The following ZNF804A variants were observed in gnomAD, a reference collection of about 807,000 sequenced individuals.
The protein encoded by ZNF804A is zinc finger protein 804A.
A neutral mutation model predicts 16.5 loss-of-function variants in ZNF804A; 2 were observed. The observed-to-expected ratio is 0.12, with a 90% confidence interval of 0.05 to 0.38. The LOEUF (loss-of-function observed/expected upper bound fraction) is 0.38, where lower values mean the gene tolerates loss of function less well. ZNF804A is among the 10% of genes least tolerant of loss of function. ZNF804A has a pLI of 0.99. For synonymous variants in ZNF804A, 534 were observed against 489.6 expected (o/e 1.09, Z -1.20); for missense variants, 1,473 against 1,390.7 (o/e 1.06, Z -0.94).
chr2:184,858,414 G>A (rs1695739122), intron 1 of ZNF804A, among the ~76,000 whole-genome samples: 1 of 150,566 alleles, frequency 6.6e-6, no homozygotes, highest in African/African-American at 2.4e-5. Context: ...TGAGGCAGGA[G>A]AATCACTTGA....
intron 1 of ZNF804A, among the ~76,000 whole-genome samples, chr2:184,773,502 GCAAC>G (rs1694247185): frequency 6.6e-6 from 1 of 151,960 alleles, no homozygotes; most frequent in Admixed American, 6.6e-5. Context: ...GGCATTCATA[GCAAC>G]CTGGTTGGAA....
intron 1 of ZNF804A, among the ~76,000 whole-genome samples, chr2:184,817,258 C>G (rs1398446565): frequency 1.3e-5 from 2 of 151,772 alleles, no homozygotes; most frequent in Non-Finnish European, 2.9e-5. Context: ...GGGATAAAAA[C>G]AAAGCCACTA....
chr2:184,777,749 T>G (rs1480167417), intron 1 of ZNF804A, among the ~76,000 whole-genome samples: 4 of 151,690 alleles, frequency 2.6e-5, no homozygotes, highest in Non-Finnish European at 5.9e-5. Context: ...TTGAATGATT[T>G]CATGAAATGT....
chr2:184,884,546 T>C (rs191279207), intron 2 of ZNF804A, among the ~76,000 whole-genome samples: 1 of 152,112 alleles, frequency 6.6e-6, no homozygotes, highest in African/African-American at 2.4e-5. Context: ...TTACCCCTTT[T>C]TAAACTACAC....
At chr2:184,605,277 A>C (rs2105667422) in intron 1 of ZNF804A, among the ~76,000 whole-genome samples, 1 of 152,248 alleles carries the variant, frequency 6.6e-6, no homozygotes, top group South Asian at 2.1e-4. Context: ...TTTATGAAGA[A>C]ATTACTTATA....
chr2:184,939,054 C>A lies in ZNF804A; in HGVS notation c.*28C>A, dbSNP rs373072311. Reference sequence around the variant, plus strand: ...ATCACCATAATGGGAAAAAAATACTCTTGTGAAAACTATTGCTATATGCGT... The same window carrying A: ...ATCACCATAATGGGAAAAAAATACTATTGTGAAAACTATTGCTATATGCGT... On this transcript the variant is annotated 3_prime_UTR_variant, in exon 4 of 4. Transcript: ENST00000302277. The A allele has an allele frequency of 6.9e-6, 11 of 1,601,816 alleles. No homozygotes were observed. Among genetic ancestry groups the A allele is most frequent in the Non-Finnish European group, 8.5e-7 (1 of 1,172,328 alleles).
At chr2:184,654,075 G>A (rs1692036070) in intron 1 of ZNF804A, among the ~76,000 whole-genome samples, 2 of 152,098 alleles carry the variant, frequency 1.3e-5, no homozygotes, top group Admixed American at 1.3e-4. Flanking sequence ...CTGGTGGGTC[G>A]GGGGAGCCCA....
At chr2:184,860,343 C>A (rs1695779793) in intron 1 of ZNF804A, among the ~76,000 whole-genome samples, 1 of 152,196 alleles carries the variant, frequency 6.6e-6, no homozygotes, top group Non-Finnish European at 1.5e-5. Flanking sequence ...CCATGGTTAC[C>A]TGTTTGATGT....
At chr2:184,745,243 T>G (rs1035582939) in intron 1 of ZNF804A, among the ~76,000 whole-genome samples, 4 of 151,774 alleles carry the variant, frequency 2.6e-5, no homozygotes, top group African/African-American at 9.7e-5. Flanking sequence ...ACCATTAAAT[T>G]TGAAACTGTA....
chr2:184,744,888 C>T (rs976865981), intron 1 of ZNF804A, among the ~76,000 whole-genome samples: 7 of 151,628 alleles, frequency 4.6e-5, no homozygotes, highest in Middle Eastern at 3.4e-3. Context: ...GTAGATTTTC[C>T]CTCTGTGACC....
At chr2:184,669,912 T>C (rs1423287859) in intron 1 of ZNF804A, among the ~76,000 whole-genome samples, 1 of 152,138 alleles carries the variant, frequency 6.6e-6, no homozygotes, top group East Asian at 1.9e-4. Context: ...CAATTTTTTC[T>C]TCCATTCTCT....
intron 1 of ZNF804A, among the ~76,000 whole-genome samples, chr2:184,817,319 C>G (rs957583543): frequency 6.6e-6 from 1 of 151,774 alleles, no homozygotes; most frequent in East Asian, 1.9e-4. Flanking sequence ...AGAAAAATGG[C>G]CTGACTGTTA....
intron 2 of ZNF804A, among the ~76,000 whole-genome samples, chr2:184,903,729 A>G (rs150507225): frequency 0.015 from 2,276 of 152,248 alleles, 24 homozygotes; most frequent in Non-Finnish European, 0.024. Context: ...GGTATGATTG[A>G]CATATGAAAA....
rs889424694 is a variant in ZNF804A at position 184,613,903 on chromosome 2, T to G, written c.111+14833T>G. On this transcript the variant is annotated intron_variant, in intron 1 of 3. Transcript: ENST00000302277. The stretch of plus-strand genomic sequence containing the variant: ...CAATGCTATCCCCATCAAGCTACCA[T>G]TGACTTTCTTCACAGAATTAGAAAA... Among the ~76,000 whole-genome samples, 3 of 152,208 alleles carry G rather than the reference T, an allele frequency of 2.0e-5. No individual in the cohort carries two copies. The South Asian group carries it at 6.2e-4, about 32-fold the overall frequency.
intron 1 of ZNF804A, among the ~76,000 whole-genome samples, chr2:184,766,001 T>C (rs1396505636): frequency 6.6e-6 from 1 of 152,246 alleles, no homozygotes; most frequent in Non-Finnish European, 1.5e-5. Context: ...GCAGGAGAAA[T>C]AAATTATTAT....
At chr2:184,930,898 A>T (rs1159802601) in intron 2 of ZNF804A, among the ~76,000 whole-genome samples, 1 of 152,222 alleles carries the variant, frequency 6.6e-6, no homozygotes, top group Non-Finnish European at 1.5e-5. Context: ...TAATAAAGAC[A>T]TACCAGAAAC....
At chr2:184,823,894 C>T (rs1159453995) in intron 1 of ZNF804A, among the ~76,000 whole-genome samples, 1 of 152,012 alleles carries the variant, frequency 6.6e-6, no homozygotes. Flanking sequence ...ATATAAATTG[C>T]CTTTAAATCT....
At chr2:184,875,542 A>T (rs1012585781) in intron 2 of ZNF804A, among the ~76,000 whole-genome samples, 4 of 152,102 alleles carry the variant, frequency 2.6e-5, no homozygotes, top group African/African-American at 9.7e-5. Flanking sequence ...TTTCTTGTAC[A>T]GCCTGCAGAA....
chr2:184,673,050 A>C (rs981395122), intron 1 of ZNF804A, among the ~76,000 whole-genome samples: 3 of 152,144 alleles, frequency 2.0e-5, no homozygotes, highest in African/African-American at 7.2e-5. Flanking sequence ...TAGGAAAAGC[A>C]AGAAAATTAC....
Sources: gnomAD v4.1 joint callset for allele counts (sites outside exome capture counted in the v4.1 genomes callset) on GRCh38, gnomAD v4.1.1 for gene constraint, MANE v1.5 for transcripts, NCBI Gene and HGNC (gene_info 2026-07-23, HGNC 2026-07-21) for gene names.